PCDHGA3: variants seen among roughly 807,000 people sequenced by gnomAD.
PCDHGA3 encodes protocadherin gamma subfamily A, 3.
A neutral mutation model predicts 58.5 loss-of-function variants in PCDHGA3; 40 were observed. That is an observed-to-expected ratio of 0.68 (90% CI 0.53 to 0.89). The LOEUF (loss-of-function observed/expected upper bound fraction) is 0.89, where lower values mean the gene tolerates loss of function less well. Among genes scored for constraint, PCDHGA3 ranks in the 40% least tolerant of loss-of-function variants. The pLI is 0.00. For synonymous variants in PCDHGA3, 530 were observed against 525.7 expected (o/e 1.01, Z -0.11); for missense variants, 1,223 against 1,195.9 (o/e 1.02, Z -0.33).
In PCDHGA3 at chr5:141,490,647, G is replaced by T; in HGVS notation, c.2425-4160G>T. 6.2e-7 allele frequency: 1 copy of T among 1,614,084 alleles called. No homozygotes were observed. Among genetic ancestry groups the T allele is most frequent in the Non-Finnish European group, 8.5e-7 (1 of 1,180,014 alleles). ...CTTACATCCTAGAAAACCGGCCTCCGGGCTCCCTTCTTTGCACTGTGGCTG... is the reference window on the plus strand; with the variant it reads ...CTTACATCCTAGAAAACCGGCCTCCTGGCTCCCTTCTTTGCACTGTGGCTG... On this transcript the variant is annotated intron_variant, in intron 1 of 3. Transcript: ENST00000253812. This position sits in a 1 kb window ranked among gnomAD's most constrained non-coding sequence, Gnocchi z 5.4.
chr5:141,362,545 A>G (rs1181876257), intron 1 of PCDHGA3: 1 of 1,613,638 alleles, frequency 6.2e-7, no homozygotes. Flanking sequence ...TGCCTCAGAT[A>G]CTATTTTGAA....
rs200686404 is a variant in PCDHGA3 at position 141,477,185 on chromosome 5, G to A, written c.2425-17622G>A. On this transcript the variant is annotated intron_variant, in intron 1 of 3. Transcript: ENST00000253812. The surrounding 1 kb of genome is among the most constrained non-coding windows in gnomAD (Gnocchi z 4.9). ...CGCCCCGGAGATCACAGTCACCTCCGTGTACAGCCCAGTACCCGAGGATGC... is the reference window on the plus strand; with the variant it reads ...CGCCCCGGAGATCACAGTCACCTCCATGTACAGCCCAGTACCCGAGGATGC... 1.2e-6 allele frequency: 2 copies of A among 1,614,210 alleles called. No individual in the cohort carries two copies. Among genetic ancestry groups the A allele is most frequent in the South Asian group, 1.1e-5 (1 of 91,084 alleles).
intron 1 of PCDHGA3, chr5:141,372,311 C>T (rs1768644192): frequency 1.2e-6 from 2 of 1,613,416 alleles, no homozygotes; most frequent in South Asian, 2.2e-5. Flanking sequence ...AGGCCGCCCG[C>T]CAGCGCCTGC....
chr5:141,344,684 T>C lies in PCDHGA3; in HGVS notation c.651T>C (p.Gly217=). 1.9e-6 allele frequency: 3 copies of C among 1,613,988 alleles called. No homozygotes were observed. The highest frequency in any genetic ancestry group is 2.5e-6 in the Non-Finnish European group (3 of 1,179,902). The change falls in exon 1 of 4, where the codon GGT becomes GGC. Residue 217 remains glycine (G), a synonymous_variant. Coordinates refer to ENST00000253812, the MANE Select transcript of PCDHGA3 (RefSeq NM_018916.4). ...AGCTTGTCCTGGTTGCCTCTGATGGTGGCGACCCTGTCCACTCTGGCAACT... is the reference window on the plus strand; with the variant it reads ...AGCTTGTCCTGGTTGCCTCTGATGGCGGCGACCCTGTCCACTCTGGCAACT... ...IHQLVLVASD[G]GDPVHSGNLH...
intron 1 of PCDHGA3, among the ~76,000 whole-genome samples, chr5:141,438,593 T>C (rs982159150): frequency 4.1e-5 from 3 of 73,984 alleles, no homozygotes; most frequent in Non-Finnish European, 5.5e-5. Flanking sequence ...CATACATACA[T>C]ATATATATAT....
intron 1 of PCDHGA3, chr5:141,420,437 T>G (rs2096496377): frequency 4.5e-6 from 5 of 1,109,618 alleles, no homozygotes; most frequent in Admixed American, 3.7e-5. Context: ...TTAAATTAAA[T>G]GCCTCAGTCT....
intron 1 of PCDHGA3, chr5:141,400,141 A>G (rs763561348): frequency 1.9e-6 from 3 of 1,614,020 alleles, no homozygotes; most frequent in Non-Finnish European, 8.5e-7. Flanking sequence ...GCCGGATATC[A>G]CTGACCGCCC....
intron 1 of PCDHGA3, chr5:141,388,773 G>A (rs769358867): frequency 1.9e-6 from 3 of 1,613,808 alleles, no homozygotes; most frequent in East Asian, 2.2e-5. Flanking sequence ...CTCTAACACC[G>A]GGGAAATTAC....
intron 1 of PCDHGA3, chr5:141,421,422 C>A (rs908483513): frequency 6.2e-7 from 1 of 1,614,086 alleles, no homozygotes; most frequent in South Asian, 1.1e-5. Flanking sequence ...AGCGCGGAGT[C>A]CGCATCGTCT....
rs1395688351 is a variant in PCDHGA3 at position 141,485,907 on chromosome 5, C to A, written c.2425-8900C>A. On this transcript the variant is annotated intron_variant, in intron 1 of 3. Coordinates refer to ENST00000253812, the MANE Select transcript of PCDHGA3 (RefSeq NM_018916.4). The surrounding 1 kb of genome is among the most constrained non-coding windows in gnomAD (Gnocchi z 5.7). ...GACAACGCCCCAGCCTTCCAGCAAT[C>A]CAGCTACAGGATTAGTGTGTTGGAG... is the stretch of plus-strand genomic sequence containing the variant. 6.2e-7 allele frequency: 1 copy of A among 1,614,176 alleles called. No homozygotes were observed.
intron 1 of PCDHGA3, chr5:141,361,391 A>G: frequency 6.2e-7 from 1 of 1,613,912 alleles, no homozygotes; most frequent in Non-Finnish European, 8.5e-7. Context: ...CCAGAATACA[A>G]TCTCACCATC....
At chr5:141,370,525 G>C in intron 1 of PCDHGA3, 1 of 1,613,874 alleles carries the variant, frequency 6.2e-7, no homozygotes, top group Non-Finnish European at 8.5e-7. Flanking sequence ...CTGGACAGGG[G>C]CTCGCTGGTA....
intron 1 of PCDHGA3, among the ~76,000 whole-genome samples, chr5:141,463,505 G>A (rs1213601894): frequency 7.3e-6 from 1 of 137,472 alleles, no homozygotes; most frequent in Non-Finnish European, 1.5e-5. Flanking sequence ...CTGGAGTGAC[G>A]TGGCGTGATC....
At chr5:141,404,914 C>G (rs1423848318) in intron 1 of PCDHGA3, 1 of 1,613,830 alleles carries the variant, frequency 6.2e-7, no homozygotes, top group Non-Finnish European at 8.5e-7. Flanking sequence ...AGCCCCCTCT[C>G]TCGGCCACTG....
chr5:141,364,904 C>G (rs748515825), intron 1 of PCDHGA3: 19 of 1,613,876 alleles, frequency 1.2e-5, no homozygotes, highest in Non-Finnish European at 1.7e-6. Flanking sequence ...ACAAAAGTAT[C>G]CGGAGCTGGT....
chr5:141,356,310 C>A lies in PCDHGA3; in HGVS notation c.2424+9853C>A, dbSNP rs1396473104. ...CGGGTACAGTAATTGCACTTTTCAA[C>A]GTGCATGACAGTGACTCAGGAGGAA... On this transcript the variant is annotated intron_variant, in intron 1 of 3. Transcript: ENST00000253812. 7.7e-6 allele frequency: 12 copies of A among 1,553,978 alleles called. No homozygotes were observed. The highest frequency in any genetic ancestry group is 2.7e-5 in the African/African-American group (2 of 73,252).
rs111925753 is a variant in PCDHGA3, at chr5:141,357,231, C to T, written c.2424+10774C>T. 6.2e-6 allele frequency: 10 copies of T among 1,613,868 alleles called. 1 individual carries two copies. The Admixed American group carries it at 8.3e-5, about 13-fold the overall frequency. The stretch of plus-strand genomic sequence containing the variant: ...CAGATGTCCTGGCTGACTTGGGCAG[C>T]CTCAAGCCTTCAGCAGACCCAGACG... On this transcript the variant is annotated intron_variant, in intron 1 of 3. Coordinates refer to ENST00000253812, the MANE Select transcript of PCDHGA3 (RefSeq NM_018916.4).
At chr5:141,364,748 G>T (rs891416528) in intron 1 of PCDHGA3, 3 of 1,613,978 alleles carry the variant, frequency 1.9e-6, no homozygotes, top group Non-Finnish European at 8.5e-7. Flanking sequence ...AGAGTTAAAA[G>T]TAAAAGTTAA....
intron 1 of PCDHGA3, chr5:141,422,633 G>C: frequency 6.2e-7 from 1 of 1,613,120 alleles, no homozygotes; most frequent in Non-Finnish European, 8.5e-7. Context: ...AACCCCAGGG[G>C]TGCCTCCATC....
Sources: allele counts gnomAD v4.1 joint callset (sites outside exome capture counted in the v4.1 genomes callset), GRCh38; gene constraint gnomAD v4.1.1; non-coding constraint Gnocchi (gnomAD v3.1); transcripts MANE v1.5; gene names NCBI Gene and HGNC (gene_info 2026-07-23, HGNC 2026-07-21).